Variants in AKAP6 observed in about 807,000 individuals in gnomAD.
AKAP6 encodes A-kinase anchor protein 6.
A neutral mutation model predicts 188.5 loss-of-function variants in AKAP6; 58 were observed. That is an observed-to-expected ratio of 0.31 (90% CI 0.25 to 0.38). The LOEUF is 0.38. Among genes scored for constraint, AKAP6 ranks in the 10% least tolerant of loss-of-function variants. The pLI is 1.00. For synonymous variants in AKAP6, 989 were observed against 998.6 expected (o/e 0.99, Z 0.18); for missense variants, 2,710 against 2,740.0 (o/e 0.99, Z 0.24).
At chr14:32,676,507 C>T (rs982963598) in intron 7 of AKAP6, among the ~76,000 whole-genome samples, 21 of 152,082 alleles carry the variant, frequency 1.4e-4, no homozygotes, top group Non-Finnish European at 2.6e-4. Flanking sequence ...TTTCTTTGTG[C>T]CTTCCCACCA....
rs376799625 is a variant in AKAP6 at position 32,433,628 on chromosome 14, C to A, written c.135C>A (p.Asp45Glu). 2.5e-6 allele frequency: 4 copies of A among 1,614,020 alleles called. No homozygotes were observed. The South Asian group carries it at 4.4e-5, about 18-fold the overall frequency. ...GTGAGGGAGAAGAGGCAATGAAGGA[C>A]ATGGACTCTGACCAGCAGTATGAAA... Reference protein sequence around the residue: ...EQGEGEEAMKDMDSDQQYEKP... With the variant: ...EQGEGEEAMKEMDSDQQYEKP... Residue 45 changes from aspartate (D) to glutamate (E), a missense_variant, in exon 2 of 14, where the codon GAC (aspartate) becomes GAA (glutamate). Physicochemically the swap from Asp to Glu is conservative, Grantham distance 45 (BLOSUM62 2). Around this residue, in one of 2 missense-constraint regions of AKAP6, gnomAD observed 237 missense variants for 313.9 expected, o/e 0.76. Transcript: ENST00000280979.
Position 32,546,721 on chromosome 14 carries a change from C to T in AKAP6, c.2068C>T (p.His690Tyr). The T allele has an allele frequency of 6.2e-7, 1 of 1,614,054 alleles. No homozygotes were observed. Reference protein sequence around the residue: ...IYPTYHVKKKHTRLGRVSPSS... With the variant: ...IYPTYHVKKKYTRLGRVSPSS... ...TCCAACCTATCATGTCAAAAAGAAG[C>T]ATACAAGGCTAGGCAGGGTGTCTCC... The change falls in exon 4 of 14, where the codon CAT becomes TAT. Residue 690 changes from histidine to tyrosine, a missense_variant. By Grantham distance (83) the His-to-Tyr change is moderately conservative. Coordinates refer to ENST00000280979, the MANE Select transcript of AKAP6 (RefSeq NM_004274.5).
At chr14:32,416,403 G>A (rs1406190274) in intron 1 of AKAP6, among the ~76,000 whole-genome samples, 2 of 152,136 alleles carry the variant, frequency 1.3e-5, no homozygotes. Flanking sequence ...GTTATTGAGT[G>A]TTGGGAGTTT....
intron 4 of AKAP6, among the ~76,000 whole-genome samples, chr14:32,548,852 A>G (rs1883324449): frequency 6.6e-6 from 1 of 152,198 alleles, no homozygotes; most frequent in South Asian, 2.1e-4. Context: ...TTCAGACTGG[A>G]TAGAGAATAT....
chr14:32,599,135 T>C (rs1308214976), intron 5 of AKAP6, among the ~76,000 whole-genome samples: 2 of 152,206 alleles, frequency 1.3e-5, no homozygotes, highest in South Asian at 2.1e-4. Flanking sequence ...AGAACACTGC[T>C]ACTCTTGATA....
At chr14:32,765,145 G>T (rs2032671422) in intron 11 of AKAP6, among the ~76,000 whole-genome samples, 1 of 152,036 alleles carries the variant, frequency 6.6e-6, no homozygotes, top group African/African-American at 2.4e-5. Flanking sequence ...ATGTTGGTCA[G>T]GCTGGTCTTG....
At chr14:32,786,487 ATT>A (rs200245017) in intron 12 of AKAP6, among the ~76,000 whole-genome samples, 10 of 102,590 alleles carry the variant, frequency 9.7e-5, no homozygotes, top group Non-Finnish European at 1.8e-4. Context: ...ATTTTATTTT[ATT>A]TTATTTTTTT....
At chr14:32,576,153 C>T (rs1206087088) in intron 4 of AKAP6, among the ~76,000 whole-genome samples, 1 of 152,092 alleles carries the variant, frequency 6.6e-6, no homozygotes, top group African/African-American at 2.4e-5. Flanking sequence ...CTCAGTTAAG[C>T]ATTAAAAATA....
chr14:32,377,994 T>C (rs1888214715), intron 1 of AKAP6, among the ~76,000 whole-genome samples: 1 of 152,150 alleles, frequency 6.6e-6, no homozygotes, highest in Non-Finnish European at 1.5e-5. Context: ...ATACTGAAAA[T>C]TCTAAACTTA....
chr14:32,429,547 A>T (rs547464733), intron 1 of AKAP6, among the ~76,000 whole-genome samples: 4 of 152,316 alleles, frequency 2.6e-5, no homozygotes, highest in African/African-American at 9.6e-5. Flanking sequence ...AAAAATTGAA[A>T]AATGTTTGTA....
At chr14:32,817,992 G>C (rs921169011) in intron 12 of AKAP6, among the ~76,000 whole-genome samples, 2 of 151,782 alleles carry the variant, frequency 1.3e-5, no homozygotes, top group African/African-American at 4.8e-5. Context: ...TTGCCCCAGG[G>C]GTATATTTTA....
intron 4 of AKAP6, among the ~76,000 whole-genome samples, chr14:32,559,140 TG>T (rs2139200730): frequency 6.6e-6 from 1 of 152,310 alleles, no homozygotes; most frequent in Non-Finnish European, 1.5e-5. Flanking sequence ...GTTAAGGGAA[TG>T]AGTAAGTGAA....
At chr14:32,557,953 A>C (rs982248071) in intron 4 of AKAP6, among the ~76,000 whole-genome samples, 16 of 152,122 alleles carry the variant, frequency 1.1e-4, no homozygotes, top group African/African-American at 3.9e-4. Flanking sequence ...ATATGATGAC[A>C]CTATGAGTTG....
chr14:32,723,543 G>A (rs1279930433), intron 9 of AKAP6, among the ~76,000 whole-genome samples: 2 of 113,876 alleles, frequency 1.8e-5, no homozygotes, highest in Admixed American at 1.0e-4. Flanking sequence ...ATATATATAT[G>A]TGTGCGTATG....
chr14:32,492,355 T>TATATATAGAG, intron 2 of AKAP6, among the ~76,000 whole-genome samples: 883 of 82,572 alleles, frequency 0.011, 12 homozygotes, highest in African/African-American at 0.028. Context: ...TATATATATA[T>TATATATAGAG]AGAGAGAGAG....
rs1594784404 is a variant in AKAP6 at position 32,615,587 on chromosome 14, A to G, written c.2730+14795A>G. 3.1e-5 allele frequency among the ~76,000 whole-genome samples: 4 copies of G among 130,586 alleles called. No individual in the cohort carries two copies. The South Asian group carries it at 9.1e-4, about 30-fold the overall frequency. 85.7% of individuals were successfully genotyped at this position (130,586 alleles called of 152,430 possible). Reference sequence around the variant, plus strand: ...TACATGTTTCCCCCAATGCTAAACCATTACTTTTTTTTTTTTTTTTTTTTT... The same window carrying G: ...TACATGTTTCCCCCAATGCTAAACCGTTACTTTTTTTTTTTTTTTTTTTTT... On this transcript the variant is annotated intron_variant, in intron 7 of 13. Coordinates refer to ENST00000280979, the MANE Select transcript of AKAP6 (RefSeq NM_004274.5).
chr14:32,386,091 T>C (rs891974924), intron 1 of AKAP6, among the ~76,000 whole-genome samples: 1 of 151,738 alleles, frequency 6.6e-6, no homozygotes, highest in African/African-American at 2.4e-5. Context: ...CATTTTCATA[T>C]AAAGACTTCT....
In AKAP6 at chr14:32,830,042, T is replaced by C. The variant is rs1268381474; in HGVS notation, c.*237T>C. 1.5e-6 allele frequency: 1 copy of C among 688,364 alleles called. No homozygotes were observed. Among genetic ancestry groups the C allele is most frequent in the Admixed American group, 2.0e-5 (1 of 48,890 alleles). The allele number at this position is 688,364 out of a possible 1,614,324, so 42.6% of individuals were successfully genotyped here. On this transcript the variant is annotated 3_prime_UTR_variant, in exon 14 of 14. Coordinates refer to ENST00000280979, the MANE Select transcript of AKAP6 (RefSeq NM_004274.5). ...TCTCTTTAGGTGATCGTCTTTGAAG[T>C]TCAGCAAAGCTGCTTGTTCTCCCAT...
intron 1 of AKAP6, among the ~76,000 whole-genome samples, chr14:32,398,764 TTTTC>T (rs1480296794): frequency 6.9e-6 from 1 of 144,982 alleles, no homozygotes; most frequent in Non-Finnish European, 1.5e-5. Context: ...ATGTTTGCCC[TTTTC>T]TTTCTTTTCT....
Sources: allele counts gnomAD v4.1 joint callset (sites outside exome capture counted in the v4.1 genomes callset), GRCh38; gene constraint gnomAD v4.1.1; regional missense constraint gnomAD v4.1.1; transcripts MANE v1.5; gene names NCBI Gene and HGNC (gene_info 2026-07-23, HGNC 2026-07-21).